MFSD1: variants seen among roughly 807,000 people sequenced by gnomAD.
MFSD1 encodes the protein lysosomal dipeptide transporter MFSD1.
Under a neutral mutation model 67.1 loss-of-function variants are expected in MFSD1, and 59 were observed. That is an observed-to-expected ratio of 0.88 (90% CI 0.71 to 1.09). The LOEUF (loss-of-function observed/expected upper bound fraction) is 1.09, where lower values mean the gene tolerates loss of function less well. Among genes scored for constraint, MFSD1 ranks in the 50% least tolerant of loss-of-function variants. MFSD1 has a pLI of 0.00. For missense variants in MFSD1, 552 were observed against 566.1 expected (o/e 0.97, Z 0.25); for synonymous variants, 213 against 200.3 (o/e 1.06, Z -0.54).
chr3:158,815,611 T>C (rs1730284119), intron 7 of MFSD1, among the ~76,000 whole-genome samples: 1 of 151,986 alleles, frequency 6.6e-6, no homozygotes, highest in Non-Finnish European at 1.5e-5. Flanking sequence ...TTTCTGTTTC[T>C]ATTTCCTTGT....
In MFSD1 at chr3:158,829,046, T is replaced by G; in HGVS notation, c.*64T>G. The G allele has an allele frequency of 1.3e-6, 2 of 1,501,540 alleles. No homozygotes were observed. Among genetic ancestry groups the G allele is most frequent in the Non-Finnish European group, 1.8e-6 (2 of 1,109,964 alleles). The allele number at this position is 1,501,540 out of a possible 1,614,324, so 93.0% of individuals were successfully genotyped here. A position where few individuals can be genotyped will look rare whatever the true frequency, so the allele number is the denominator to read the frequency against. ...CATCGTTGGTTTGAAAACTTCCATT[T>G]TTAAAAATTTAGAGTTTAGTCATTA... On this transcript the variant is annotated 3_prime_UTR_variant, in exon 16 of 16. Coordinates refer to ENST00000415822, the MANE Select transcript of MFSD1 (RefSeq NM_022736.4).
At chr3:158,827,976 G>GAGAGAGAGAGAGAGAGACAGAGAGAC (rs1553759912) in intron 15 of MFSD1, among the ~76,000 whole-genome samples, 1 of 78,872 alleles carries the variant, frequency 1.3e-5, no homozygotes, top group African/African-American at 4.9e-5. Flanking sequence ...GAGAGAGAGA[G>GAGAGAGAGAGAGAGAGACAGAGAGAC]AGACAGAGAT....
At chr3:158,823,395 AGACTGT>A in intron 11 of MFSD1, 27 bp from the exon 12 acceptor site, 1 of 1,421,958 alleles carries the variant, frequency 7.0e-7, no homozygotes, top group Non-Finnish European at 1.0e-6. Flanking sequence ...GGTTAATGTA[AGACTGT>A]GACCTTTTCT....
At chr3:158,824,307 A>G in intron 13 of MFSD1, 71 bp downstream of exon 13, 1 of 1,111,184 alleles carries the variant, frequency 9.0e-7, no homozygotes, top group Non-Finnish European at 1.3e-6. Flanking sequence ...TTACTTAGGC[A>G]TAGCTCCCAG....
chr3:158,819,554 G>A, intron 7 of MFSD1, 95 bp from the exon 8 acceptor site: 1 of 577,986 alleles, frequency 1.7e-6, no homozygotes, highest in Non-Finnish European at 2.9e-6. Context: ...TTCAGTTGCT[G>A]TTTTTGCTGT....
Position 158,808,457 on chromosome 3 carries a change from A to C in MFSD1, c.441-722A>C, listed in dbSNP as rs563467303. On this transcript the variant is annotated intron_variant, in intron 5 of 15. Coordinates refer to ENST00000415822, the MANE Select transcript of MFSD1 (RefSeq NM_022736.4). ...GGAGAGTGTTGAATATGGAAAGTGAATGTGGGGATTGATTGATGGAGAGCT... is the reference window on the plus strand; with the variant it reads ...GGAGAGTGTTGAATATGGAAAGTGACTGTGGGGATTGATTGATGGAGAGCT... Among the ~76,000 whole-genome samples, 3 of 152,246 alleles carry C rather than the reference A, an allele frequency of 2.0e-5. No homozygotes were observed. The South Asian group carries it at 6.2e-4, about 32-fold the overall frequency.
chr3:158,814,508 A>G (rs546429546), intron 7 of MFSD1, among the ~76,000 whole-genome samples: 2 of 151,772 alleles, frequency 1.3e-5, no homozygotes, highest in East Asian at 2.0e-4. Flanking sequence ...TTTAGTAGAG[A>G]TGGAGTTTCA....
chr3:158,825,872 A>T lies in MFSD1; in HGVS notation c.1289-143A>T, dbSNP rs1730939576. The T allele has an allele frequency of 8.8e-6, 6 of 680,318 alleles. No homozygotes were observed. In the Admixed American group the frequency reaches 1.4e-4, roughly 16 times the overall value. 42.1% of individuals were successfully genotyped at this position (680,318 alleles called of 1,614,324 possible). A position where few individuals can be genotyped will look rare whatever the true frequency, so the allele number is the denominator to read the frequency against. ...TTATTTTTAGTGCTTTTGGAAAATA[A>T]AATAATGGGAATAATATTTTTATTT... On this transcript the variant is annotated intron_variant, in intron 13 of 15. Transcript: ENST00000415822.
At chr3:158,811,437 A>C (rs995337614) in intron 6 of MFSD1, among the ~76,000 whole-genome samples, 4 of 152,238 alleles carry the variant, frequency 2.6e-5, no homozygotes, top group Admixed American at 1.3e-4. Context: ...ATGTAAGTTC[A>C]GGAGCAAGGA....
intron 6 of MFSD1, among the ~76,000 whole-genome samples, chr3:158,810,770 T>C (rs1422011245): frequency 6.6e-6 from 1 of 152,238 alleles, no homozygotes; most frequent in African/African-American, 2.4e-5. Flanking sequence ...ATTATTACTT[T>C]TAGAAAATTA....
rs1274790404 is a variant in MFSD1 at position 158,802,295 on chromosome 3, T to A, written c.143T>A (p.Leu48Gln). Residue 48 changes from leucine (L) to glutamine (Q), a missense_variant, in exon 1 of 16, where the codon CTG becomes CAG. Physicochemically the swap from Leu to Gln is moderately radical, Grantham distance 113. Coordinates refer to ENST00000415822, the MANE Select transcript of MFSD1 (RefSeq NM_022736.4). ...RLAHRLLVLL[L>Q]MCFLGFGSYF... ...GCGCACCGGCTTTTGGTGCTGTTAC[T>A]GATGTGCTTCCTTGGCTTTGGTGAG... 1 of 1,610,726 alleles carries A rather than the reference T, an allele frequency of 6.2e-7. No individual in the cohort carries two copies. The highest frequency in any genetic ancestry group is 1.7e-5 in the Admixed American group (1 of 59,648).
chr3:158,807,959 C>T (rs935714591), intron 5 of MFSD1, among the ~76,000 whole-genome samples: 1 of 152,322 alleles, frequency 6.6e-6, no homozygotes, highest in South Asian at 2.1e-4. Context: ...TTCAGTAAGC[C>T]TATTCTGAGA....
At chr3:158,819,573 T>G in intron 7 of MFSD1, 76 bp from the exon 8 acceptor site, 1 of 767,172 alleles carries the variant, frequency 1.3e-6, no homozygotes, top group Non-Finnish European at 2.0e-6. Context: ...GTTTATGTAA[T>G]GTACTTCTCC....
At chr3:158,809,050 C>T in intron 5 of MFSD1, 129 bp from the exon 6 acceptor site, 1 of 586,720 alleles carries the variant, frequency 1.7e-6, no homozygotes, top group Non-Finnish European at 2.9e-6. Context: ...CACCTGGATT[C>T]AAGGGGAGGG....
At position 158,826,056 on chromosome 3, in the gene MFSD1, G is replaced by A. The variant is rs1310770695; in HGVS notation, c.1330G>A (p.Ala444Thr). Residue 444 changes from alanine to threonine, a missense_variant, in exon 14 of 16, where the codon GCC becomes ACC. Transcript: ENST00000415822. The stretch of plus-strand genomic sequence containing the variant: ...GGTCTTACTCTATTTGGTGAATCGT[G>A]CCCAGGGTAAGTAGAAGATCTGATA... ...SVVLLYLVNR[A>T]QGGNLNYSAR... 29 of 1,613,396 alleles carry A rather than the reference G, an allele frequency of 1.8e-5. No homozygotes were observed. Among genetic ancestry groups the A allele is most frequent in the Non-Finnish European group, 2.5e-5 (29 of 1,179,506 alleles).
chr3:158,806,993 T>C (rs1418001683), intron 3 of MFSD1, 47 bp from the exon 4 acceptor site: 1 of 1,507,356 alleles, frequency 6.6e-7, no homozygotes, highest in South Asian at 1.2e-5. Context: ...TTAAGATTTT[T>C]TTTTTCTTTT....
chr3:158,820,923 T>C (rs1730638277), intron 9 of MFSD1, among the ~76,000 whole-genome samples: 2 of 152,200 alleles, frequency 1.3e-5, no homozygotes, highest in Admixed American at 6.5e-5. Flanking sequence ...CAATACCTAA[T>C]AATTTTTGAT....
In MFSD1 at chr3:158,826,046, G is replaced by C; in HGVS notation, c.1320G>C (p.Leu440Phe). ...TTTTATCTGTGGTCTTACTCTATTT[G>C]GTGAATCGTGCCCAGGGTAAGTAGA... is the stretch of plus-strand genomic sequence containing the variant. ...LSLLSVVLLY[L>F]VNRAQGGNLN... Residue 440 changes from leucine to phenylalanine, a missense_variant, in exon 14 of 16, where the codon TTG (leucine) becomes TTC (phenylalanine). Physicochemically the swap from Leu to Phe is conservative, Grantham distance 22 (BLOSUM62 0). Coordinates refer to ENST00000415822, the MANE Select transcript of MFSD1 (RefSeq NM_022736.4). 2 of 1,613,396 alleles carry C rather than the reference G, an allele frequency of 1.2e-6. No individual in the cohort carries two copies. The highest frequency in any genetic ancestry group is 1.7e-6 in the Non-Finnish European group (2 of 1,179,576).
intron 5 of MFSD1, among the ~76,000 whole-genome samples, chr3:158,808,653 G>A (rs1046270059): frequency 1.3e-5 from 2 of 152,088 alleles, no homozygotes; most frequent in Non-Finnish European, 2.9e-5. Context: ...CACACTTAGC[G>A]GTATAAAACT....
Sources: allele counts gnomAD v4.1 joint callset (sites outside exome capture counted in the v4.1 genomes callset), GRCh38; gene constraint gnomAD v4.1.1; transcripts MANE v1.5; gene names NCBI Gene and HGNC (gene_info 2026-07-23, HGNC 2026-07-21).